The following CHD9 variants were observed in gnomAD, a reference collection of about 807,000 sequenced individuals.
The protein encoded by CHD9 is chromodomain helicase DNA binding protein 9, also known as ATP-dependent chromatin remodeler CHD9.
Under a neutral mutation model 316.1 loss-of-function variants are expected in CHD9, and 77 were observed. That is an observed-to-expected ratio of 0.24 (90% CI 0.20 to 0.29). The LOEUF (loss-of-function observed/expected upper bound fraction) is 0.29, where lower values mean the gene tolerates loss of function less well. CHD9 is among the 10% of genes least tolerant of loss of function. The pLI is 1.00. For missense variants in CHD9, 2,763 were observed against 3,438.1 expected (o/e 0.80, Z 4.91); for synonymous variants, 1,129 against 1,158.3 (o/e 0.97, Z 0.51).
chr16:53,313,086 G>A (rs922357071), intron 34 of CHD9, among the ~76,000 whole-genome samples: 15 of 152,050 alleles, frequency 9.9e-5, no homozygotes, highest in Non-Finnish European at 2.1e-4. Context: ...TGAATGCATG[G>A]AACTGTTTCA....
At chr16:53,241,793 C>T (rs2049121360) in intron 12 of CHD9, among the ~76,000 whole-genome samples, 1 of 152,168 alleles carries the variant, frequency 6.6e-6, no homozygotes, top group Admixed American at 6.5e-5. Context: ...TTTAACTGTT[C>T]TCCATGATCC....
intron 3 of CHD9, among the ~76,000 whole-genome samples, chr16:53,213,484 AG>A (rs1408157428): frequency 1.3e-5 from 2 of 152,216 alleles, no homozygotes; most frequent in African/African-American, 4.8e-5. Flanking sequence ...GATGGAAAGA[AG>A]GTTAAATATT....
rs769515449 is a variant in CHD9 at position 53,324,672 on chromosome 16, C to T, written c.8471C>T (p.Thr2824Ile). 4 of 1,613,608 alleles carry T rather than the reference C, an allele frequency of 2.5e-6. No individual in the cohort carries two copies. The highest frequency in any genetic ancestry group is 2.5e-6 in the Non-Finnish European group (3 of 1,179,740). ...LHIPTLSQSNTFDVQNKNSDL... is the reference protein window; with the variant it reads ...LHIPTLSQSNIFDVQNKNSDL... Reference sequence around the variant, plus strand: ...ATTCCAACTTTGTCCCAGTCCAATACTTTTGATGTACAAAACAAAAACAGT... The same window carrying T: ...ATTCCAACTTTGTCCCAGTCCAATATTTTTGATGTACAAAACAAAAACAGT... The change falls in exon 39 of 39, where the codon ACT becomes ATT. Residue 2824 changes from threonine (T) to isoleucine (I), a missense_variant. By Grantham distance (89) the Thr-to-Ile change is moderately conservative. Around this residue, in one of 15 missense-constraint regions of CHD9, gnomAD observed 298 missense variants for 380.2 expected, o/e 0.78. Coordinates refer to ENST00000447540, the MANE Select transcript of CHD9 (RefSeq NM_001308319.2).
chr16:53,116,304 C>T (rs2038300527), intron 1 of CHD9, among the ~76,000 whole-genome samples: 1 of 152,192 alleles, frequency 6.6e-6, no homozygotes, highest in Admixed American at 6.5e-5. Flanking sequence ...AAGTGATCTC[C>T]CCACCTTGGC....
At chr16:53,290,850 G>A (rs1034507019) in intron 27 of CHD9, among the ~76,000 whole-genome samples, 1 of 152,128 alleles carries the variant, frequency 6.6e-6, no homozygotes. Flanking sequence ...CACCACAGTG[G>A]AATATGTATT....
Position 53,324,174 on chromosome 16 carries a change from T to G in CHD9, c.7973T>G (p.Leu2658Trp). 6.2e-7 allele frequency: 1 copy of G among 1,614,014 alleles called. No individual in the cohort carries two copies. The highest frequency in any genetic ancestry group is 8.5e-7 in the Non-Finnish European group (1 of 1,179,886). Reference sequence around the variant, plus strand: ...GCCACCAGTGTTTCAGGCAATCCTTTGTTAGCCAATGGACTACTTCCAGGT... The same window carrying G: ...GCCACCAGTGTTTCAGGCAATCCTTGGTTAGCCAATGGACTACTTCCAGGT... ...ASATSVSGNP[L>W]LANGLLPGVD... The change falls in exon 39 of 39, where the codon TTG becomes TGG. Residue 2658 changes from leucine (L) to tryptophan (W), a missense_variant. Physicochemically the swap from Leu to Trp is moderately conservative, Grantham distance 61. This residue lies in a region of CHD9 where 298 missense variants were observed against 380.2 expected (regional missense o/e 0.78). Coordinates refer to ENST00000447540, the MANE Select transcript of CHD9 (RefSeq NM_001308319.2).
At chr16:53,136,570 A>C (rs920439606) in intron 1 of CHD9, among the ~76,000 whole-genome samples, 3 of 152,004 alleles carry the variant, frequency 2.0e-5, no homozygotes, top group Non-Finnish European at 4.4e-5. Flanking sequence ...AAAAAAAAAA[A>C]AATCTAGGAA....
chr16:53,055,503 C>CCCCG (rs1555511560), intron 1 of CHD9, among the ~76,000 whole-genome samples: 2 of 151,342 alleles, frequency 1.3e-5, no homozygotes, highest in Non-Finnish European at 3.0e-5. Context: ...CGCCCCCCCC[C>CCCCG]AGAGACTCAG....
chr16:53,274,600 C>T (rs1205957448), intron 24 of CHD9, among the ~76,000 whole-genome samples: 1 of 152,054 alleles, frequency 6.6e-6, no homozygotes, highest in East Asian at 1.9e-4. Context: ...GGATTACAGG[C>T]ATGCGTCACC....
intron 11 of CHD9, among the ~76,000 whole-genome samples, chr16:53,236,833 C>G (rs1015564348): frequency 5.9e-5 from 9 of 152,062 alleles, no homozygotes; most frequent in Non-Finnish European, 1.0e-4. Flanking sequence ...GTACCTGTGA[C>G]TATTCCTTTC....
intron 2 of CHD9, among the ~76,000 whole-genome samples, chr16:53,163,732 A>G (rs956040888): frequency 6.6e-6 from 1 of 152,224 alleles, no homozygotes; most frequent in Non-Finnish European, 1.5e-5. Context: ...GAGATCTGGA[A>G]AAATCTGAAT....
chr16:53,294,270 AGAT>A (rs1409515853), intron 29 of CHD9, among the ~76,000 whole-genome samples: 7 of 152,308 alleles, frequency 4.6e-5, no homozygotes, highest in Admixed American at 1.3e-4. Context: ...GTCCTCTGGA[AGAT>A]ATATTGTTCT....
chr16:53,231,823 A>G, intron 10 of CHD9, 39 bp downstream of exon 10: 1 of 1,536,626 alleles, frequency 6.5e-7, no homozygotes, highest in Non-Finnish European at 8.8e-7. Context: ...AAATCTTAGC[A>G]CTTGTTTATG....
chr16:53,285,819 A>C (rs1392260610), intron 25 of CHD9, 120 bp downstream of exon 25: 1 of 549,216 alleles, frequency 1.8e-6, no homozygotes, highest in Non-Finnish European at 3.2e-6. Flanking sequence ...ATATATACAG[A>C]ATTAAAAGCA....
chr16:53,247,363 A>T lies in CHD9; in HGVS notation c.3525A>T (p.Gln1175His). 6.2e-7 allele frequency: 1 copy of T among 1,608,016 alleles called. No homozygotes were observed. The highest frequency in any genetic ancestry group is 8.5e-7 in the Non-Finnish European group (1 of 1,176,712). The change falls in exon 16 of 39, where the codon CAA becomes CAT. Residue 1175 changes from glutamine to histidine, a missense_variant. Gln to His is a conservative substitution (Grantham distance 24). This residue lies in a region of CHD9 where 155 missense variants were observed against 291.8 expected (regional missense o/e 0.53). Coordinates refer to ENST00000447540, the MANE Select transcript of CHD9 (RefSeq NM_001308319.2). ...YNPAASDFHL[Q>H]AMIQSAGKLV... is the part of the protein sequence containing the mutation. ...CAGCTGCTTCTGATTTTCATCTTCA[A>T]GCAATGATCCAGTCTGCTGGTAAAT... is the stretch of plus-strand genomic sequence containing the variant.
chr16:53,174,104 A>G (rs889500513), intron 2 of CHD9, among the ~76,000 whole-genome samples: 5 of 152,142 alleles, frequency 3.3e-5, no homozygotes, highest in Non-Finnish European at 7.4e-5. Context: ...GCAACATGGC[A>G]AAACCCACTC....
chr16:53,304,613 G>A lies in CHD9; in HGVS notation c.6607G>A (p.Ala2203Thr). The A allele has an allele frequency of 6.5e-7, 1 of 1,546,244 alleles. No homozygotes were observed. The highest frequency in any genetic ancestry group is 8.7e-7 in the Non-Finnish European group (1 of 1,144,658). The stretch of plus-strand genomic sequence containing the variant: ...AGAAAGTGACAGTGATGAAGAAGAA[G>A]CCCAAAAACGAGGTACTATGCATAA... ...SEESDSDEEE[A>T]QKRESTTHMK... Residue 2203 changes from alanine to threonine, a missense_variant, in exon 31 of 39, where the codon GCC becomes ACC. Around this residue, in one of 15 missense-constraint regions of CHD9, gnomAD observed 663 missense variants for 751.2 expected, o/e 0.88. Coordinates refer to ENST00000447540, the MANE Select transcript of CHD9 (RefSeq NM_001308319.2).
At chr16:53,252,758 A>G (rs560598150) in intron 17 of CHD9, among the ~76,000 whole-genome samples, 16 of 152,240 alleles carry the variant, frequency 1.1e-4, no homozygotes, top group African/African-American at 3.8e-4. Flanking sequence ...GACAATTATC[A>G]AAAGAAGATA....
chr16:53,105,971 T>C (rs1368110559), intron 1 of CHD9, among the ~76,000 whole-genome samples: 1 of 152,052 alleles, frequency 6.6e-6, no homozygotes, highest in Non-Finnish European at 1.5e-5. Context: ...TACAGGTGCC[T>C]GCCACTATGC....
Sources: allele counts gnomAD v4.1 joint callset (sites outside exome capture counted in the v4.1 genomes callset), GRCh38; gene constraint gnomAD v4.1.1; regional missense constraint gnomAD v4.1.1; transcripts MANE v1.5; gene names NCBI Gene and HGNC (gene_info 2026-07-23, HGNC 2026-07-21).